Variants in EIF4G3 observed in about 807,000 individuals in gnomAD.
The protein encoded by EIF4G3 is eukaryotic translation initiation factor 4 gamma 3.
A neutral mutation model predicts 186.4 loss-of-function variants in EIF4G3; 34 were observed. That is an observed-to-expected ratio of 0.18 (90% CI 0.14 to 0.24). The LOEUF (loss-of-function observed/expected upper bound fraction) is 0.24. Ranked by LOEUF, EIF4G3 falls within the 10% of genes least tolerant of loss-of-function variation. The pLI is 1.00. For missense variants in EIF4G3, 1,536 were observed against 1,948.5 expected (o/e 0.79, Z 3.99); for synonymous variants, 673 against 679.5 (o/e 0.99, Z 0.15).
Position 21,053,159 on chromosome 1 carries a change from T to A in EIF4G3, c.-195-2165A>T, listed in dbSNP as rs141255683. Among the ~76,000 whole-genome samples the A allele has an allele frequency of 7.1e-3, 1,044 of 147,124 alleles. 2 individuals are homozygous for A. Among genetic ancestry groups the A allele is most frequent in the Middle Eastern group, 0.018 (5 of 278 alleles). The stretch of plus-strand genomic sequence containing the variant: ...AGGAGCGTCTCTGCCAGGCCGCCCA[T>A]CGTCTGAGATGTGGGGAGCACCTCT... On this transcript the variant is annotated intron_variant, in intron 3 of 36. Transcript: ENST00000602326.
intron 2 of EIF4G3, among the ~76,000 whole-genome samples, chr1:21,090,038 AC>A (rs1335269008): frequency 2.6e-5 from 4 of 152,230 alleles, no homozygotes; most frequent in Non-Finnish European, 4.4e-5. Flanking sequence ...ACATGCACAT[AC>A]AATAATCCAG....
chr1:21,107,416 C>T (rs2102015347), intron 2 of EIF4G3, among the ~76,000 whole-genome samples: 1 of 152,072 alleles, frequency 6.6e-6, no homozygotes, highest in Non-Finnish European at 1.5e-5. Flanking sequence ...AAGTGATCTG[C>T]CCGCCTCAGC....
At chr1:20,943,963 CTTTATT>C (rs1229543500) in intron 13 of EIF4G3, among the ~76,000 whole-genome samples, 1 of 22,560 alleles carries the variant, frequency 4.4e-5, no homozygotes, top group African/African-American at 1.2e-4. Flanking sequence ...GAAAACTTGT[CTTTATT>C]TTTTTTGTGT....
chr1:20,907,199 T>A (rs2092344919), intron 14 of EIF4G3, among the ~76,000 whole-genome samples: 1 of 152,120 alleles, frequency 6.6e-6, no homozygotes, highest in South Asian at 2.1e-4. Context: ...ATAGATTGTT[T>A]CCTCCTTGTC....
At chr1:21,054,177 C>G (rs2094450967) in intron 3 of EIF4G3, among the ~76,000 whole-genome samples, 1 of 151,628 alleles carries the variant, frequency 6.6e-6, no homozygotes, top group South Asian at 2.1e-4. Context: ...TACCCCCAAC[C>G]CTGTGCTCTC....
intron 4 of EIF4G3, among the ~76,000 whole-genome samples, chr1:21,013,149 G>A (rs1383940344): frequency 6.6e-6 from 1 of 151,964 alleles, no homozygotes; most frequent in Non-Finnish European, 1.5e-5. Flanking sequence ...AATCTGGGAG[G>A]GATCACAGTG....
chr1:20,814,652 A>G (rs2059990319), intron 34 of EIF4G3, among the ~76,000 whole-genome samples: 1 of 152,114 alleles, frequency 6.6e-6, no homozygotes, highest in South Asian at 2.1e-4. Flanking sequence ...CTCAAGCATT[A>G]CTTAACCCCT....
chr1:21,129,583 A>C (rs921138056), intron 2 of EIF4G3, among the ~76,000 whole-genome samples: 1 of 152,056 alleles, frequency 6.6e-6, no homozygotes, highest in African/African-American at 2.4e-5. Context: ...CACAGCTAGG[A>C]ACAGGCACAA....
chr1:20,981,157 C>A lies in EIF4G3; in HGVS notation c.269G>T (p.Gly90Val), dbSNP rs1408423729. 1 of 1,613,602 alleles carries A rather than the reference C, an allele frequency of 6.2e-7. No homozygotes were observed. Among genetic ancestry groups the A allele is most frequent in the South Asian group, 1.1e-5 (1 of 91,044 alleles). The change falls in exon 9 of 37, where the codon GGT becomes GTT. Residue 90 changes from glycine to valine, a missense_variant. Gly to Val is a moderately radical substitution (Grantham distance 109). Coordinates refer to ENST00000602326, the MANE Select transcript of EIF4G3 (RefSeq NM_001391906.1). ...GTACACTGCAGTGGGTGTCTGTGCA[C>A]CAGGACGAATGGAAGGACTGCTGTT... The part of the protein sequence containing the change: ...IPNSSPSIRP[G>V]AQTPTAVYQA...
chr1:20,882,121 C>T lies in EIF4G3; in HGVS notation c.2425-2601G>A, dbSNP rs555686214. On this transcript the variant is annotated intron_variant, in intron 19 of 36. Transcript: ENST00000602326. ...AAGCCTTCAGTGAGCTGAGATCATGCCTCTGCACTCCAGCATGGGTAACAG... is the reference window on the plus strand; with the variant it reads ...AAGCCTTCAGTGAGCTGAGATCATGTCTCTGCACTCCAGCATGGGTAACAG... Among the ~76,000 whole-genome samples the T allele has an allele frequency of 5.5e-4, 83 of 151,120 alleles. 1 individual carries two copies. Among genetic ancestry groups the T allele is most frequent in the Non-Finnish European group, 1.1e-3 (74 of 67,810 alleles).
chr1:20,846,752 C>T (rs563451122), intron 29 of EIF4G3, among the ~76,000 whole-genome samples: 18 of 152,254 alleles, frequency 1.2e-4, no homozygotes, highest in African/African-American at 3.9e-4. Context: ...AAAACATGCA[C>T]GGTGGGGTCA....
intron 14 of EIF4G3, among the ~76,000 whole-genome samples, chr1:20,909,173 A>C (rs2092779162): frequency 6.6e-6 from 1 of 151,996 alleles, no homozygotes; most frequent in Admixed American, 6.6e-5. Flanking sequence ...AAGAATATGG[A>C]GAAAAACTTT....
At chr1:21,081,097 C>T (rs2095762310) in intron 3 of EIF4G3, among the ~76,000 whole-genome samples, 1 of 152,148 alleles carries the variant, frequency 6.6e-6, no homozygotes, top group African/African-American at 2.4e-5. Flanking sequence ...GACATTTTCC[C>T]TCCCCCATTT....
intron 20 of EIF4G3, among the ~76,000 whole-genome samples, chr1:20,878,692 A>T (rs1489903302): frequency 6.6e-6 from 1 of 152,218 alleles, no homozygotes; most frequent in Non-Finnish European, 1.5e-5. Flanking sequence ...CTCGGTAACA[A>T]TAACAGGAAG....
intron 2 of EIF4G3, among the ~76,000 whole-genome samples, chr1:21,141,377 T>TG (rs2097333904): frequency 2.1e-5 from 3 of 145,154 alleles, no homozygotes; most frequent in Admixed American, 7.0e-5. Context: ...TATTTTTTCT[T>TG]TGTGTGTGTG....
chr1:20,962,510 T>A (rs1392021729), intron 12 of EIF4G3, among the ~76,000 whole-genome samples: 1 of 152,182 alleles, frequency 6.6e-6, no homozygotes, highest in Non-Finnish European at 1.5e-5. Context: ...ATGGTAGATA[T>A]CAAGCATATC....
In EIF4G3 at chr1:21,169,176, C is replaced by T. The variant is rs192620029; in HGVS notation, c.-272+6999G>A. On this transcript the variant is annotated intron_variant, in intron 2 of 36. Transcript: ENST00000602326. ...CCACCTCTTTAAAAAAGTGGCAAGGCGCGGTGGCTCACACCTGTAATCCCA... is the reference window on the plus strand; with the variant it reads ...CCACCTCTTTAAAAAAGTGGCAAGGTGCGGTGGCTCACACCTGTAATCCCA... 4.2e-4 allele frequency among the ~76,000 whole-genome samples: 64 copies of T among 152,028 alleles called. No homozygotes were observed. The East Asian group carries it at 0.012, about 28-fold the overall frequency.
rs71014146 is a variant in EIF4G3 at position 21,017,627 on chromosome 1, CAAAAAAAAAA to C, written c.-66-14829_-66-14820del. ...TGGATGACAGAGCAAGACTCCGTCT[CAAAAAAAAAA>C]AAAAAAAAAAAAAAAAAGAAGTTTA... is the stretch of plus-strand genomic sequence containing the variant. On this transcript the variant is annotated intron_variant, in intron 4 of 36. Coordinates refer to ENST00000602326, the MANE Select transcript of EIF4G3 (RefSeq NM_001391906.1). Among the ~76,000 whole-genome samples the C allele has an allele frequency of 2.8e-4, 14 of 49,232 alleles. 1 individual carries two copies. Among genetic ancestry groups the C allele is most frequent in the South Asian group, 2.0e-3 (2 of 976 alleles). The allele number at this position is 49,232 out of a possible 152,430, so 32.3% of individuals were successfully genotyped here. A position where few individuals can be genotyped will look rare whatever the true frequency, so the allele number is the denominator to read the frequency against.
chr1:20,858,658 T>C (rs2075636640), intron 24 of EIF4G3, among the ~76,000 whole-genome samples: 1 of 152,174 alleles, frequency 6.6e-6, no homozygotes, highest in African/African-American at 2.4e-5. Flanking sequence ...AGCCGCATGA[T>C]GGAAGGGACT....
Sources: gnomAD v4.1 joint callset for allele counts (sites outside exome capture counted in the v4.1 genomes callset) on GRCh38, gnomAD v4.1.1 for gene constraint, MANE v1.5 for transcripts, NCBI Gene and HGNC (gene_info 2026-07-23, HGNC 2026-07-21) for gene names.